The following PPP2R2B variants were observed in gnomAD, a reference collection of about 807,000 sequenced individuals.
PPP2R2B encodes serine/threonine-protein phosphatase 2A 55 kDa regulatory subunit B beta isoform.
PPP2R2B carries 5 observed loss-of-function variants against 46.0 expected under a neutral mutation model. The observed-to-expected ratio is 0.11, with a 90% CI of 0.06 to 0.23. The LOEUF (loss-of-function observed/expected upper bound fraction) is 0.23. Ranked by LOEUF, PPP2R2B falls within the 10% of genes least tolerant of loss-of-function variation. PPP2R2B has a pLI of 1.00. For synonymous variants in PPP2R2B, 215 were observed against 206.7 expected (o/e 1.04, Z -0.34); for missense variants, 367 against 575.0 (o/e 0.64, Z 3.70).
At position 147,067,772 on chromosome 5, in the gene PPP2R2B, G is replaced by A. The variant is rs145427939; in HGVS notation, c.50+13287C>T. Among the ~76,000 whole-genome samples, 269 of 152,168 alleles carry A rather than the reference G, an allele frequency of 1.8e-3. 3 individuals are homozygous for A. The highest frequency in any genetic ancestry group is 6.3e-3 in the African/African-American group (260 of 41,534). On this transcript the variant is annotated intron_variant, in intron 2 of 10. Transcript: ENST00000394413. ...ATGCTATGAATCTAAGTGTTTAATC[G>A]CACAGTTACCTATTTGTTCATTAAC...
At chr5:146,655,441 G>A (rs1357357261) in intron 5 of PPP2R2B, among the ~76,000 whole-genome samples, 1 of 152,038 alleles carries the variant, frequency 6.6e-6, no homozygotes, top group Non-Finnish European at 1.5e-5. Context: ...ACCTCAAATC[G>A]CACAGCCTTC....
upstream of PPP2R2B, among the ~76,000 whole-genome samples, chr5:146,881,728 A>G (rs548776332): frequency 5.3e-5 from 8 of 152,326 alleles, 1 homozygote; most frequent in South Asian, 1.7e-3. Flanking sequence ...GATCTTTTCT[A>G]TTGACTAACT....
At chr5:146,715,031 A>G (rs952694682) in intron 2 of PPP2R2B, among the ~76,000 whole-genome samples, 2 of 152,196 alleles carry the variant, frequency 1.3e-5, no homozygotes, top group Admixed American at 6.5e-5. Flanking sequence ...TCACTTCCAC[A>G]TGGGTAGGCT....
intron 9 of PPP2R2B, chr5:146,592,211 C>A: frequency 5.0e-6 from 2 of 401,360 alleles, no homozygotes; most frequent in South Asian, 3.7e-5. Flanking sequence ...GGAGGGGATT[C>A]ATTTTGGATC....
chr5:146,745,729 G>A (rs1175509289), intron 2 of PPP2R2B, among the ~76,000 whole-genome samples: 1 of 152,166 alleles, frequency 6.6e-6, no homozygotes, highest in Non-Finnish European at 1.5e-5. Flanking sequence ...GGAGGCCAAG[G>A]TGGGTGGATC....
chr5:146,650,456 T>C, intron 6 of PPP2R2B, 91 bp downstream of exon 6: 4 of 1,207,920 alleles, frequency 3.3e-6, no homozygotes, highest in Non-Finnish European at 4.7e-6. Flanking sequence ...TGCTAGGTGT[T>C]GCATTTCTAT....
At chr5:146,839,113 C>A (rs1283421096) in intron 2 of PPP2R2B, among the ~76,000 whole-genome samples, 3 of 152,216 alleles carry the variant, frequency 2.0e-5, no homozygotes, top group African/African-American at 7.2e-5. Context: ...TACTCTTCTT[C>A]ATTCAGATAT....
At chr5:147,008,869 T>G (rs1754576319) in intron 1 of PPP2R2B, among the ~76,000 whole-genome samples, 1 of 152,222 alleles carries the variant, frequency 6.6e-6, no homozygotes, top group Non-Finnish European at 1.5e-5. Context: ...ACTTAGCTTT[T>G]GGCCAGAGAA....
At chr5:147,040,495 C>G (rs1276275273) in intron 1 of PPP2R2B, among the ~76,000 whole-genome samples, 2 of 152,112 alleles carry the variant, frequency 1.3e-5, no homozygotes, top group Non-Finnish European at 2.9e-5. Flanking sequence ...GGGACAAATG[C>G]AAGCTGGCAT....
intron 2 of PPP2R2B, among the ~76,000 whole-genome samples, chr5:146,748,545 T>C (rs145633691): frequency 6.3e-4 from 96 of 152,334 alleles, no homozygotes; most frequent in African/African-American, 2.2e-3. Flanking sequence ...TCTCCATTTC[T>C]ACAACATTCT....
intron 2 of PPP2R2B, among the ~76,000 whole-genome samples, chr5:146,859,223 C>T (rs1368721659): frequency 3.9e-5 from 6 of 152,148 alleles, no homozygotes; most frequent in African/African-American, 1.2e-4. Context: ...AGGAAATTTA[C>T]TCTTTATATT....
intron 1 of PPP2R2B, among the ~76,000 whole-genome samples, chr5:146,991,826 A>T (rs1271215867): frequency 6.6e-6 from 1 of 152,160 alleles, no homozygotes; most frequent in Non-Finnish European, 1.5e-5. Context: ...GTAGTAAAAG[A>T]CCTGCACACT....
At chr5:146,719,532 G>A (rs1283298091) in intron 2 of PPP2R2B, among the ~76,000 whole-genome samples, 1 of 152,152 alleles carries the variant, frequency 6.6e-6, no homozygotes, top group Non-Finnish European at 1.5e-5. Flanking sequence ...AATGAGATAA[G>A]GATGGGGAGG....
chr5:146,792,831 C>G (rs1205444108), intron 2 of PPP2R2B, among the ~76,000 whole-genome samples: 2 of 152,106 alleles, frequency 1.3e-5, no homozygotes, highest in African/African-American at 2.4e-5. Flanking sequence ...AGAGAATAAA[C>G]CGAAGGACAG....
Position 146,590,102 on chromosome 5 carries a change from C to T in PPP2R2B, c.1177G>A (p.Val393Met). Residue 393 changes from valine (V) to methionine (M), a missense_variant, in exon 10 of 10, where the codon GTG becomes ATG. Coordinates refer to ENST00000394411, the MANE Select transcript of PPP2R2B (RefSeq NM_181675.4). ...TTTCTCCGCTTGCCCCCCACACACA[C>T]TTTTCGGGGTTTGAGGATAGCCCGG... ...KPRAILKPRK[V>M]CVGGKRRKDE... 3.1e-6 allele frequency: 5 copies of T among 1,614,142 alleles called. No individual in the cohort carries two copies. Among genetic ancestry groups the T allele is most frequent in the Non-Finnish European group, 4.2e-6 (5 of 1,180,030 alleles).
chr5:146,976,193 A>C (rs1419524630), intron 1 of PPP2R2B, among the ~76,000 whole-genome samples: 1 of 151,290 alleles, frequency 6.6e-6, no homozygotes, highest in African/African-American at 2.4e-5. Flanking sequence ...GCTACAGTGA[A>C]GTGGTGCAAT....
At chr5:146,698,203 C>A (rs568165012) in intron 3 of PPP2R2B, 59 bp from the exon 4 acceptor site, 6 of 1,428,470 alleles carry the variant, frequency 4.2e-6, no homozygotes, top group African/African-American at 1.5e-5. Context: ...CTGTAAAACT[C>A]GCCAACTCCC....
intron 2 of PPP2R2B, among the ~76,000 whole-genome samples, chr5:147,066,218 A>T (rs1757411329): frequency 6.6e-6 from 1 of 152,196 alleles, no homozygotes; most frequent in Non-Finnish European, 1.5e-5. Flanking sequence ...CTCTGCCAAA[A>T]TCTAGGTATT....
chr5:146,926,098 T>C (rs1763773792), intron 1 of PPP2R2B, among the ~76,000 whole-genome samples: 1 of 152,186 alleles, frequency 6.6e-6, no homozygotes, highest in Non-Finnish European at 1.5e-5. Context: ...ATATTTATAA[T>C]AGCTGCCTTG....
Sources: allele counts gnomAD v4.1 joint callset (sites outside exome capture counted in the v4.1 genomes callset), GRCh38; gene constraint gnomAD v4.1.1; transcripts MANE v1.5; gene names NCBI Gene and HGNC (gene_info 2026-07-23, HGNC 2026-07-21).